HUWE1: variants seen among roughly 807,000 people sequenced by gnomAD.
HUWE1 encodes HECT, UBA and WWE domain containing E3 ubiquitin protein ligase 1, also known as E3 ubiquitin-protein ligase HUWE1.
Under a neutral mutation model 299.4 loss-of-function variants are expected in HUWE1, and 18 were observed. The ratio of observed to expected loss-of-function variants is 0.06; its 90% confidence interval spans 0.04 to 0.09. The LOEUF (loss-of-function observed/expected upper bound fraction) is 0.09, where lower values mean the gene tolerates loss of function less well. Ranked by LOEUF, HUWE1 falls within the 10% of genes least tolerant of loss-of-function variation. HUWE1 has a pLI of 1.00. For synonymous variants in HUWE1, 1,317 were observed against 1,286.1 expected (o/e 1.02, Z -0.51); for missense variants, 1,832 against 3,462.3 (o/e 0.53, Z 11.82).
chrX:53,551,835 A>G (rs782344677), intron 63 of HUWE1, among the ~76,000 whole-genome samples: 2 of 111,238 alleles, frequency 1.8e-5, no homozygotes, highest in South Asian at 7.7e-4. Flanking sequence ...ATTGGTGCCT[A>G]ATATGTACTT....
chrX:53,669,160 A>T (rs2069394722), intron 3 of HUWE1, among the ~76,000 whole-genome samples: 1 of 112,326 alleles, frequency 8.9e-6, no homozygotes, highest in African/African-American at 3.2e-5. Context: ...CAGGATGTTG[A>T]AAAGAATTCC....
chrX:53,635,713 A>G lies in HUWE1; in HGVS notation c.505-1415T>C, dbSNP rs1247504527. 2.7e-5 allele frequency among the ~76,000 whole-genome samples: 3 copies of G among 111,410 alleles called. No individual in the cohort carries two copies. The East Asian group carries it at 8.4e-4, about 31-fold the overall frequency. Reference sequence around the variant, plus strand: ...TTATTCCTGTCTAGTGTGGGTCCCAATCACCTCGGATCTGGGCTGCCACCA... The same window carrying G: ...TTATTCCTGTCTAGTGTGGGTCCCAGTCACCTCGGATCTGGGCTGCCACCA... On this transcript the variant is annotated intron_variant, in intron 7 of 83. Transcript: ENST00000262854.
At chrX:53,624,072 T>C (rs1270873986) in intron 19 of HUWE1, among the ~76,000 whole-genome samples, 1 of 112,672 alleles carries the variant, frequency 8.9e-6, no homozygotes, top group East Asian at 2.8e-4. Flanking sequence ...TGACCTTTAT[T>C]TCATCACCAA....
Position 53,549,504 on chromosome X carries a change from G to A in HUWE1, c.9490C>T (p.Pro3164Ser), listed in dbSNP as rs1556926728. 8.3e-7 allele frequency: 1 copy of A among 1,202,723 alleles called. No individual in the cohort carries two copies. The highest frequency in any genetic ancestry group is 1.1e-6 in the Non-Finnish European group (1 of 892,542). The part of the protein sequence containing the change: ...QMGGSSSHNR[P>S]SGSNVDTLLR... ...AGAGTATCTACATTACTGCCAGAAG[G>A]CCTGGAAACAGAACATGGTTTTTGG... is the stretch of plus-strand genomic sequence containing the variant. Residue 3164 changes from proline to serine, a missense_variant and splice_region_variant, in exon 67 of 84, where the codon CCT (proline) becomes TCT (serine). Pro to Ser is a moderately conservative substitution (Grantham distance 74). This residue lies in a region of HUWE1 where 91 missense variants were observed against 281.2 expected (regional missense o/e 0.32). Transcript: ENST00000262854.
At chrX:53,647,988 A>G (rs2068172082) in intron 5 of HUWE1, among the ~76,000 whole-genome samples, 1 of 112,476 alleles carries the variant, frequency 8.9e-6, no homozygotes, top group African/African-American at 3.2e-5. Context: ...GAATTCTGTG[A>G]TTGAGATTCT....
At position 53,550,788 on chromosome X, in the gene HUWE1, A is replaced by G. The variant is rs782284357; in HGVS notation, c.9386-20T>C. The stretch of plus-strand genomic sequence containing the variant: ...TGAAAGCTGGAAGGAAAGAAAAAGA[A>G]AACTGAGATTGTGGAGAGGGTGTAA... On this transcript the variant is annotated intron_variant, in intron 65 of 83. Transcript: ENST00000262854. The G allele has an allele frequency of 8.3e-7, 1 of 1,204,840 alleles. No homozygotes were observed. The highest frequency in any genetic ancestry group is 1.8e-5 in the South Asian group (1 of 56,783).
intron 7 of HUWE1, among the ~76,000 whole-genome samples, chrX:53,640,359 C>CA (rs1304491076): frequency 5.5e-5 from 6 of 109,575 alleles, no homozygotes; most frequent in South Asian, 3.8e-4. Flanking sequence ...GACTCTGTCT[C>CA]AAAAAAAATA....
chrX:53,642,538 G>A (rs782476608), intron 7 of HUWE1, among the ~76,000 whole-genome samples: 3 of 111,841 alleles, frequency 2.7e-5, no homozygotes, highest in African/African-American at 6.5e-5. Flanking sequence ...TACTCTGACA[G>A]AGATCACGTT....
At chrX:53,624,482 G>A (rs1345525997) in intron 19 of HUWE1, 113 bp downstream of exon 19, 9 of 567,797 alleles carry the variant, frequency 1.6e-5, no homozygotes, top group Non-Finnish European at 2.7e-5. Flanking sequence ...GGGCAATAGA[G>A]TGAGACTCTG....
At chrX:53,670,269 T>G (rs1557048905) in intron 3 of HUWE1, among the ~76,000 whole-genome samples, 1 of 112,236 alleles carries the variant, frequency 8.9e-6, no homozygotes. Flanking sequence ...GAGGACCACT[T>G]ACTTTGTATT....
intron 49 of HUWE1, among the ~76,000 whole-genome samples, chrX:53,568,459 A>G (rs1358994224): frequency 9.0e-6 from 1 of 111,554 alleles, no homozygotes; most frequent in Non-Finnish European, 1.9e-5. Context: ...ATAAGTGGTA[A>G]TTTTTAAAGT....
chrX:53,671,104 G>A (rs1041753765), intron 3 of HUWE1, among the ~76,000 whole-genome samples: 1 of 110,921 alleles, frequency 9.0e-6, no homozygotes, highest in African/African-American at 3.3e-5. Context: ...TGGATGTCAC[G>A]CAATGGACTT....
Position 53,565,381 on chromosome X carries a change from T to C in HUWE1, c.6708-142A>G, listed in dbSNP as rs1412286181. The C allele has an allele frequency of 1.1e-5, 6 of 563,083 alleles. No individual in the cohort carries two copies. The African/African-American group carries it at 1.2e-4, about 11-fold the overall frequency. 46.4% of individuals were successfully genotyped at this position (563,083 alleles called of 1,213,427 possible). The stretch of plus-strand genomic sequence containing the variant: ...GTACAACTAACACTCTACTTTTGTT[T>C]AGAAAAAAAAAATTTTGACTTAAAT... On this transcript the variant is annotated intron_variant, in intron 49 of 83. Coordinates refer to ENST00000262854, the MANE Select transcript of HUWE1 (RefSeq NM_031407.7).
Position 53,560,343 on chromosome X carries a change from A to C in HUWE1, c.7581T>G (p.Ser2527=). The change falls in exon 56 of 84, where the codon TCT becomes TCG. Residue 2527 remains serine (S), a synonymous_variant. Coordinates refer to ENST00000262854, the MANE Select transcript of HUWE1 (RefSeq NM_031407.7). ...TTGAAGAGCCACTGCCCAGTGTCAG[A>C]GAACTGTGGTCTGCATGGCGCACCA... ...PLMVRHADHS[S]LTLGSGSSTT... 1 of 1,211,870 alleles carries C rather than the reference A, an allele frequency of 8.3e-7. No homozygotes were observed. Among genetic ancestry groups the C allele is most frequent in the Non-Finnish European group, 1.1e-6 (1 of 895,518 alleles).
chrX:53,535,821 A>G (rs1213447128), intron 80 of HUWE1: 2 of 375,557 alleles, frequency 5.3e-6, no homozygotes, highest in African/African-American at 5.1e-5. Context: ...AAAAGAATTT[A>G]GGAGAAGAGT....
chrX:53,563,945 C>A, intron 51 of HUWE1, 124 bp from the exon 52 acceptor site: 3 of 756,029 alleles, frequency 4.0e-6, no homozygotes, highest in Non-Finnish European at 5.9e-6. Flanking sequence ...GAGGATGTTA[C>A]GTGAAACCAC....
chrX:53,591,332 G>A (rs1462936906), intron 33 of HUWE1, among the ~76,000 whole-genome samples: 2 of 111,721 alleles, frequency 1.8e-5, no homozygotes, highest in Non-Finnish European at 3.8e-5. Flanking sequence ...AAGGAGCCAA[G>A]AAGATTCTCG....
At chrX:53,538,720 ACACACT>A (rs1485958438) in intron 76 of HUWE1, 109 bp downstream of exon 76, 56 of 563,056 alleles carry the variant, frequency 9.9e-5, no homozygotes, top group Middle Eastern at 1.1e-3. Flanking sequence ...ACACACACAC[ACACACT>A]CTCTCTCTCT....
chrX:53,564,121 A>G (rs782218320), intron 51 of HUWE1, among the ~76,000 whole-genome samples: 14 of 112,087 alleles, frequency 1.2e-4, no homozygotes, highest in African/African-American at 4.5e-4. Flanking sequence ...CACAGGCCCA[A>G]TTTCTTACCC....
Sources: gnomAD v4.1 joint callset for allele counts (sites outside exome capture counted in the v4.1 genomes callset) on GRCh38, gnomAD v4.1.1 for gene constraint, gnomAD v4.1.1 regional missense constraint, MANE v1.5 for transcripts, NCBI Gene and HGNC (gene_info 2026-07-23, HGNC 2026-07-21) for gene names.